Variants in WDR59 observed in about 807,000 individuals in gnomAD.
The protein encoded by WDR59 is WD repeat domain 59.
A neutral mutation model predicts 131.2 loss-of-function variants in WDR59; 100 were observed. The observed-to-expected ratio is 0.76, with a 90% confidence interval of 0.65 to 0.90. WDR59 has a LOEUF of 0.90. Among genes scored for constraint, WDR59 ranks in the 40% least tolerant of loss-of-function variants. The pLI, the probability that WDR59 is intolerant of heterozygous loss-of-function variation, is 0.00. For missense variants in WDR59, 1,203 were observed against 1,262.2 expected, an observed-to-expected ratio of 0.95 and a Z score of 0.71; for synonymous variants, 601 against 466.2, an observed-to-expected ratio of 1.29 and a Z score of -3.72.
intron 1 of WDR59, among the ~76,000 whole-genome samples, chr16:74,968,306 C>A (rs1418775517): frequency 6.6e-6 from 1 of 152,162 alleles, no homozygotes; most frequent in African/African-American, 2.4e-5. Flanking sequence ...CATGAAGATT[C>A]GCATTGCTGG....
rs1334927057 is a variant in WDR59, at chr16:74,883,185, C to T, written c.2689+2468G>A. 4.6e-5 allele frequency among the ~76,000 whole-genome samples: 7 copies of T among 151,850 alleles called. 1 individual carries two copies. In the South Asian group the frequency reaches 1.0e-3, roughly 23 times the overall value. On this transcript the variant is annotated intron_variant, in intron 25 of 25. Coordinates refer to ENST00000262144, the MANE Select transcript of WDR59 (RefSeq NM_030581.4). Reference sequence around the variant, plus strand: ...GACTACAAGCACGCACCACCACGCCCGGCTAATTTTTGTATTTTTAGTAGA... The same window carrying T: ...GACTACAAGCACGCACCACCACGCCTGGCTAATTTTTGTATTTTTAGTAGA...
intron 10 of WDR59, among the ~76,000 whole-genome samples, chr16:74,921,686 G>A (rs755395960): frequency 5.3e-5 from 8 of 152,142 alleles, no homozygotes; most frequent in Non-Finnish European, 8.8e-5. Context: ...TCTATCTTCC[G>A]TCTCTTACTG....
intron 6 of WDR59, among the ~76,000 whole-genome samples, chr16:74,945,974 C>T (rs1372084252): frequency 1.3e-5 from 2 of 152,114 alleles, no homozygotes; most frequent in South Asian, 2.1e-4. Context: ...TGCACCACCA[C>T]GCCCGGCTAA....
At chr16:74,942,276 C>A (rs1485215734) in intron 7 of WDR59, among the ~76,000 whole-genome samples, 1 of 152,090 alleles carries the variant, frequency 6.6e-6, no homozygotes. Context: ...GAGCACCCTA[C>A]CTTGCTCATC....
chr16:74,978,262 C>T (rs899274265), intron 1 of WDR59, among the ~76,000 whole-genome samples: 2 of 138,638 alleles, frequency 1.4e-5, no homozygotes, highest in African/African-American at 5.4e-5. Flanking sequence ...GCAGAGGTTA[C>T]GGTGAGCCGA....
chr16:74,953,151 G>C (rs2033098579), intron 3 of WDR59, among the ~76,000 whole-genome samples: 4 of 152,104 alleles, frequency 2.6e-5, no homozygotes, highest in Admixed American at 2.6e-4. Flanking sequence ...CTTGACCTCA[G>C]ATTTCCCTAA....
At chr16:74,941,726 A>AATGCACCTG (rs1453856264) in intron 7 of WDR59, among the ~76,000 whole-genome samples, 1 of 151,580 alleles carries the variant, frequency 6.6e-6, no homozygotes, top group East Asian at 1.9e-4. Flanking sequence ...CACCTGCCCA[A>AATGCACCTG]CCTCTATGAA....
rs34120750 is a variant in WDR59 at position 74,916,858 on chromosome 16, C to CAAAA, written c.967-603_967-600dup. Among the ~76,000 whole-genome samples the CAAAA allele has an allele frequency of 2.9e-4, 40 of 139,654 alleles. 1 individual carries two copies. The highest frequency in any genetic ancestry group is 1.2e-3 in the East Asian group (6 of 4,900). The allele number at this position is 139,654 out of a possible 152,430, so 91.6% of individuals were successfully genotyped here. A position where few individuals can be genotyped will look rare whatever the true frequency, so the allele number is the denominator to read the frequency against. ...TGGGCAACAGAGAGAGACTCCATCT[C>CAAAA]AAAAAAAAAAAAACGAAAACCATAA... On this transcript the variant is annotated intron_variant, in intron 11 of 25. Coordinates refer to ENST00000262144, the MANE Select transcript of WDR59 (RefSeq NM_030581.4).
chr16:74,917,808 CAAAAAAAA>C (rs34773155), intron 11 of WDR59, 113 bp downstream of exon 11: 32 of 431,700 alleles, frequency 7.4e-5, no homozygotes, highest in Non-Finnish European at 8.9e-5. Flanking sequence ...GACGCACTCT[CAAAAAAAA>C]AAAAAAAAAA....
chr16:74,919,746 T>C (rs1356727921), intron 10 of WDR59, among the ~76,000 whole-genome samples: 1 of 152,186 alleles, frequency 6.6e-6, no homozygotes, highest in Non-Finnish European at 1.5e-5. Flanking sequence ...AACCAAGGAC[T>C]ACTGCTTCCC....
chr16:74,887,906 T>A, intron 22 of WDR59, 151 bp from the exon 23 acceptor site: 1 of 888,584 alleles, frequency 1.1e-6, no homozygotes, highest in South Asian at 1.7e-5. Flanking sequence ...ACACCTGAGG[T>A]CAGGGGTTCG....
At chr16:74,964,311 G>A (rs539743618) in intron 2 of WDR59, among the ~76,000 whole-genome samples, 16 of 151,342 alleles carry the variant, frequency 1.1e-4, no homozygotes, top group African/African-American at 2.7e-4. Context: ...ACCGGAAGGC[G>A]GAGGTTGCAG....
chr16:74,914,002 T>C (rs905544069), intron 13 of WDR59, among the ~76,000 whole-genome samples: 1 of 151,974 alleles, frequency 6.6e-6, no homozygotes, highest in African/African-American at 2.4e-5. Flanking sequence ...ACATCAGGAG[T>C]TCGAGGCCAA....
At chr16:74,946,197 T>C (rs1456654996) in intron 6 of WDR59, among the ~76,000 whole-genome samples, 1 of 152,222 alleles carries the variant, frequency 6.6e-6, no homozygotes, top group African/African-American at 2.4e-5. Flanking sequence ...TCACTTACTG[T>C]GCCTAATTTA....
At chr16:74,904,994 A>T (rs1965727309) in intron 17 of WDR59, among the ~76,000 whole-genome samples, 1 of 152,274 alleles carries the variant, frequency 6.6e-6, no homozygotes, top group Non-Finnish European at 1.5e-5. Context: ...ACATGCAAAA[A>T]TTAATTTGAA....
At chr16:74,889,161 C>A (rs1964920175) in intron 21 of WDR59, among the ~76,000 whole-genome samples, 1 of 152,350 alleles carries the variant, frequency 6.6e-6, no homozygotes, top group South Asian at 2.1e-4. Context: ...TCCCCAGGCC[C>A]TGGGCCTCCA....
At chr16:74,976,976 T>C (rs1452447765) in intron 1 of WDR59, among the ~76,000 whole-genome samples, 3 of 152,034 alleles carry the variant, frequency 2.0e-5, no homozygotes, top group Non-Finnish European at 4.4e-5. Flanking sequence ...CACTCCAGCC[T>C]GGGCGACATT....
At chr16:74,956,400 T>C in intron 3 of WDR59, 75 bp downstream of exon 3, 4 of 1,555,704 alleles carry the variant, frequency 2.6e-6, no homozygotes, top group Non-Finnish European at 3.5e-6. Context: ...TTCTCTTCTC[T>C]ACACAGGGCA....
At chr16:74,962,863 G>A (rs2033616979) in intron 2 of WDR59, 1 of 151,736 alleles carries the variant, frequency 6.6e-6, no homozygotes, top group Admixed American at 6.6e-5. Flanking sequence ...TGTTGAGTAG[G>A]AGAGGTGAGA....
Sources: gnomAD v4.1 joint callset for allele counts (sites outside exome capture counted in the v4.1 genomes callset) on GRCh38, gnomAD v4.1.1 for gene constraint, MANE v1.5 for transcripts, NCBI Gene and HGNC (gene_info 2026-07-23, HGNC 2026-07-21) for gene names.